Variants in ACVR2B observed in about 807,000 individuals in gnomAD.
The protein encoded by ACVR2B is activin A receptor type 2B, also known as activin receptor type-2B.
A neutral mutation model predicts 65.1 loss-of-function variants in ACVR2B; 18 were observed. The observed-to-expected ratio is 0.28, with a 90% CI of 0.19 to 0.41. The LOEUF is 0.41. Among genes scored for constraint, ACVR2B ranks in the 10% least tolerant of loss-of-function variants. The probability of loss-of-function intolerance (pLI) is 1.00; values close to 1 mark genes in which losing one functional copy is unlikely to be tolerated. For missense variants in ACVR2B, 482 were observed against 682.7 expected (o/e 0.71, Z 3.28); for synonymous variants, 298 against 277.7 (o/e 1.07, Z -0.73).
At position 38,485,545 on chromosome 3, in the gene ACVR2B, G is replaced by A. The variant is rs1361111091; in HGVS notation, c.*2213G>A. 4 of 152,220 alleles carry A rather than the reference G, an allele frequency of 2.6e-5. No homozygotes were observed. Among genetic ancestry groups the A allele is most frequent in the African/African-American group, 9.7e-5 (4 of 41,394 alleles). The allele number at this position is 152,220 out of a possible 1,614,324, so 9.4% of individuals were successfully genotyped here. On this transcript the variant is annotated 3_prime_UTR_variant, in exon 11 of 11. Transcript: ENST00000352511. ...CCGGGGTCCTTTCCTCTGGGTGTTG[G>A]GGCACAGGGTGCTATGGGAGGCCCA...
rs41285127 is a variant in ACVR2B, at chr3:38,483,263, G to A, written c.1470G>A (p.Ser490=). Reference sequence around the variant, plus strand: ...GGAGGTCGGTCAACGGCACTACCTCGGACTGTCTCGTTTCCCTGGTGACCT... The same window carrying A: ...GGAGGTCGGTCAACGGCACTACCTCAGACTGTCTCGTTTCCCTGGTGACCT... ...LIRRSVNGTT[S]DCLVSLVTSV... is the part of the protein sequence containing the mutation. The change falls in exon 11 of 11, where the codon TCG becomes TCA. Residue 490 remains serine, a synonymous_variant. Transcript: ENST00000352511. The surrounding 1 kb of genome is among the most constrained non-coding windows in gnomAD (Gnocchi z 4.8). 30 of 1,613,978 alleles carry A rather than the reference G, an allele frequency of 1.9e-5. No homozygotes were observed. Among genetic ancestry groups the A allele is most frequent in the Middle Eastern group, 1.6e-4 (1 of 6,062 alleles).
In ACVR2B at chr3:38,477,691, C is replaced by T. The variant is rs192830624; in HGVS notation, c.261-170C>T. Among the ~76,000 whole-genome samples, 3 of 152,280 alleles carry T rather than the reference C, an allele frequency of 2.0e-5. No individual in the cohort carries two copies. Among genetic ancestry groups the T allele is most frequent in the East Asian group, 1.9e-4 (1 of 5,178 alleles). ...CTGAGGAGGGGTCTCAGTGTCAACCCCTGGCTGTTCTTCCTTGGCTTTGGG... is the reference window on the plus strand; with the variant it reads ...CTGAGGAGGGGTCTCAGTGTCAACCTCTGGCTGTTCTTCCTTGGCTTTGGG... On this transcript the variant is annotated intron_variant, in intron 2 of 10. Coordinates refer to ENST00000352511, the MANE Select transcript of ACVR2B (RefSeq NM_001106.4). This position sits in a 1 kb window ranked among gnomAD's most constrained non-coding sequence, Gnocchi z 6.7.
At chr3:38,466,293 C>T (rs993190817) in intron 1 of ACVR2B, among the ~76,000 whole-genome samples, 27 of 150,344 alleles carry the variant, frequency 1.8e-4, no homozygotes, top group African/African-American at 6.3e-4. Flanking sequence ...GTCTGTTGCA[C>T]CGTAGGGTGC....
chr3:38,479,268 C>T lies in ACVR2B; in HGVS notation c.807C>T (p.Asp269=). 1 of 1,614,126 alleles carries T rather than the reference C, an allele frequency of 6.2e-7. No individual in the cohort carries two copies. Among genetic ancestry groups the T allele is most frequent in the Non-Finnish European group, 8.5e-7 (1 of 1,180,000 alleles). The change falls in exon 6 of 11, where the codon GAC becomes GAT. Residue 269 remains aspartate, a synonymous_variant. Transcript: ENST00000352511. ...VELWLITAFH[D]KGSLTDYLKG... is the part of the protein sequence containing the mutation. ...TGTGGCTCATCACGGCCTTCCATGACAAGGTGAGCCACACCCATCAGAATG... is the reference window on the plus strand; with the variant it reads ...TGTGGCTCATCACGGCCTTCCATGATAAGGTGAGCCACACCCATCAGAATG...
chr3:38,468,523 G>T (rs544751393), intron 1 of ACVR2B, among the ~76,000 whole-genome samples: 1 of 152,114 alleles, frequency 6.6e-6, no homozygotes, highest in Non-Finnish European at 1.5e-5. Flanking sequence ...CATAATCTCC[G>T]CTGGGTTGGA....
intron 1 of ACVR2B, among the ~76,000 whole-genome samples, chr3:38,457,834 G>T (rs1709576168): frequency 6.6e-6 from 1 of 152,170 alleles, no homozygotes; most frequent in Non-Finnish European, 1.5e-5. Flanking sequence ...AGCTCATGAA[G>T]TGAAGTGACT....
In ACVR2B at chr3:38,477,263, G is replaced by A. The variant is rs376803815; in HGVS notation, c.53-24G>A. ...TGGTGGTCCCAGGGGCATGCTCAGT[G>A]GTTCTCTTTTCTCTGGGGCACAGGC... On this transcript the variant is annotated intron_variant, in intron 1 of 10. Transcript: ENST00000352511. The surrounding 1 kb of genome is among the most constrained non-coding windows in gnomAD (Gnocchi z 6.7). 17 of 1,613,270 alleles carry A rather than the reference G, an allele frequency of 1.1e-5. No individual in the cohort carries two copies. The highest frequency in any genetic ancestry group is 4.4e-5 in the South Asian group (4 of 91,062).
At position 38,479,328 on chromosome 3, in the gene ACVR2B, C is replaced by T. The variant is rs1709975876; in HGVS notation, c.810+57C>T. On this transcript the variant is annotated intron_variant, in intron 6 of 10. Transcript: ENST00000352511. ...AGGAGATGGAATGTCCCCTTGGTGG[C>T]TCTCCATAATATGATGACCCCTTCC... The T allele has an allele frequency of 3.1e-6, 5 of 1,612,640 alleles. No individual in the cohort carries two copies. In the South Asian group the frequency reaches 5.5e-5, roughly 18 times the overall value.
chr3:38,478,913 G>T (rs1393148652), intron 5 of ACVR2B, among the ~76,000 whole-genome samples: 1 of 151,998 alleles, frequency 6.6e-6, no homozygotes, highest in Non-Finnish European at 1.5e-5. Flanking sequence ...GTGATCTCAG[G>T]GATCACTGTT....
chr3:38,456,780 C>T (rs1046832195), intron 1 of ACVR2B, among the ~76,000 whole-genome samples: 2 of 152,210 alleles, frequency 1.3e-5, no homozygotes, highest in Non-Finnish European at 2.9e-5. Flanking sequence ...TGGCCCCACC[C>T]TCATGACTTA....
At chr3:38,462,038 C>CA (rs1164131815) in intron 1 of ACVR2B, among the ~76,000 whole-genome samples, 1 of 151,802 alleles carries the variant, frequency 6.6e-6, no homozygotes, top group Non-Finnish European at 1.5e-5. Context: ...ACTAAAAATA[C>CA]AAAAAATTAG....
At position 38,482,245 on chromosome 3, in the gene ACVR2B, C is replaced by G. The variant is rs778374625; in HGVS notation, c.1122C>G (p.Ile374Met). The change falls in exon 9 of 11, where the codon ATC (isoleucine) becomes ATG (methionine). Residue 374 changes from isoleucine to methionine, a missense_variant. Around this residue, in one of 5 missense-constraint regions of ACVR2B, gnomAD observed 223 missense variants for 386.3 expected, o/e 0.58. Transcript: ENST00000352511. ...YMAPEVLEGA[I>M]NFQRDAFLRI... ...CTCCTGAGGTGCTCGAGGGAGCCATCAACTTCCAGAGAGATGCCTTCCTGC... is the reference window on the plus strand; with the variant it reads ...CTCCTGAGGTGCTCGAGGGAGCCATGAACTTCCAGAGAGATGCCTTCCTGC... The G allele has an allele frequency of 6.2e-7, 1 of 1,613,584 alleles. No homozygotes were observed. The highest frequency in any genetic ancestry group is 1.7e-5 in the Admixed American group (1 of 59,958).
At chr3:38,455,458 A>C (rs983241902) in intron 1 of ACVR2B, among the ~76,000 whole-genome samples, 5 of 150,486 alleles carry the variant, frequency 3.3e-5, no homozygotes, top group Non-Finnish European at 7.4e-5. Context: ...AGTCTGGGAA[A>C]CCCTCGAGGG....
At position 38,489,013 on chromosome 3, in the gene ACVR2B, C is replaced by T. The variant is rs1465188641; in HGVS notation, c.*5681C>T. On this transcript the variant is annotated 3_prime_UTR_variant, in exon 11 of 11. Transcript: ENST00000352511. ...GTATTACATTCACTTGCAAAGTTTACATTTTTGAGCTCACAGTTATGAAAA... is the reference window on the plus strand; with the variant it reads ...GTATTACATTCACTTGCAAAGTTTATATTTTTGAGCTCACAGTTATGAAAA... 1 of 152,212 alleles carries T rather than the reference C, an allele frequency of 6.6e-6. No individual in the cohort carries two copies. The allele number at this position is 152,212 out of a possible 1,614,324, so 9.4% of individuals were successfully genotyped here. A position where few individuals can be genotyped will look rare whatever the true frequency, so the allele number is the denominator to read the frequency against.
chr3:38,454,556 GGCA>G (rs1413942359), intron 1 of ACVR2B, 182 bp downstream of exon 1: 16 of 447,792 alleles, frequency 3.6e-5, no homozygotes, highest in Non-Finnish European at 5.3e-5. Flanking sequence ...CGAACTTGGG[GGCA>G]CGATCTTGTC....
intron 1 of ACVR2B, among the ~76,000 whole-genome samples, chr3:38,457,049 C>T (rs1709561997): frequency 1.3e-5 from 2 of 152,082 alleles, no homozygotes; most frequent in Admixed American, 1.3e-4. Flanking sequence ...ACTAAAAATA[C>T]AAAAATTAGC....
chr3:38,475,074 GGA>G (rs527429337), intron 1 of ACVR2B: 38 of 152,406 alleles, frequency 2.5e-4, no homozygotes, highest in African/African-American at 9.1e-4. Flanking sequence ...CCCAGCCTGG[GGA>G]GAGGAGGCCC....
chr3:38,457,543 G>T (rs1709570643), intron 1 of ACVR2B, among the ~76,000 whole-genome samples: 1 of 152,174 alleles, frequency 6.6e-6, no homozygotes, highest in South Asian at 2.1e-4. Flanking sequence ...GTGTCCTTGG[G>T]AAACAAGCCA....
At chr3:38,480,820 G>A (rs1444831652) in intron 7 of ACVR2B, among the ~76,000 whole-genome samples, 2 of 152,160 alleles carry the variant, frequency 1.3e-5, no homozygotes, top group Non-Finnish European at 2.9e-5. Flanking sequence ...CAGGCACTGG[G>A]GAAACTGAGT....
Sources: allele counts gnomAD v4.1 joint callset (sites outside exome capture counted in the v4.1 genomes callset), GRCh38; gene constraint gnomAD v4.1.1; regional missense constraint gnomAD v4.1.1; non-coding constraint Gnocchi (gnomAD v3.1); transcripts MANE v1.5; gene names NCBI Gene and HGNC (gene_info 2026-07-23, HGNC 2026-07-21).